Variants in PLCB3 observed in about 807,000 individuals in gnomAD.
The protein encoded by PLCB3 is phospholipase C beta 3.
In PLCB3, 54 loss-of-function variants were observed where a neutral mutation model predicts 152.1. The observed-to-expected ratio is 0.36, with a 90% CI of 0.29 to 0.45. The LOEUF is 0.45. Among genes scored for constraint, PLCB3 ranks in the 20% least tolerant of loss-of-function variants. PLCB3 has a pLI of 1.00. For synonymous variants in PLCB3, 717 were observed against 698.7 expected (o/e 1.03, Z -0.41); for missense variants, 1,248 against 1,687.5 (o/e 0.74, Z 4.56).
chr11:64,265,549 T>C, intron 25 of PLCB3, 47 bp downstream of exon 25: 3 of 1,551,174 alleles, frequency 1.9e-6, no homozygotes, highest in Non-Finnish European at 2.6e-6. Context: ...GGTGTGCTGA[T>C]GTGAACATGG....
At position 64,259,149 on chromosome 11, in the gene PLCB3, G is replaced by A. The variant is rs1214642777; in HGVS notation, c.1430G>A (p.Gly477Asp). 4 of 1,608,804 alleles carry A rather than the reference G, an allele frequency of 2.5e-6. No individual in the cohort carries two copies. Among genetic ancestry groups the A allele is most frequent in the South Asian group, 1.1e-5 (1 of 90,404 alleles). The change falls in exon 13 of 31, where the codon GGC (glycine) becomes GAC (aspartate). Residue 477 changes from glycine (G) to aspartate (D), a missense_variant. This residue lies in a region of PLCB3 where 122 missense variants were observed against 221.8 expected (regional missense o/e 0.55). Coordinates refer to ENST00000279230, the MANE Select transcript of PLCB3 (RefSeq NM_000932.5). ...NKKRHRPSAG[G>D]PDSAGRKRPL... ...AAGCGGCACCGACCCAGCGCAGGTG[G>A]CCCAGACAGCGCCGGGCGCAAGCGG...
rs1310160549 is a variant in PLCB3, at chr11:64,266,091, G to A, written c.3190-35G>A. On this transcript the variant is annotated intron_variant, in intron 26 of 30. Transcript: ENST00000279230. The surrounding 1 kb of genome is among the most constrained non-coding windows in gnomAD (Gnocchi z 4.9). ...AGCCTGCTGGATAGACCCGTCGTCA[G>A]CCCGGCATCACCTGTCAGCTCCCTG... is the stretch of plus-strand genomic sequence containing the variant. 1.9e-6 allele frequency: 3 copies of A among 1,613,944 alleles called. No individual in the cohort carries two copies. The highest frequency in any genetic ancestry group is 1.7e-6 in the Non-Finnish European group (2 of 1,179,926).
chr11:64,267,469 C>T lies in PLCB3; in HGVS notation c.3618C>T (p.Ala1206=), dbSNP rs769309114. The T allele has an allele frequency of 1.3e-6, 2 of 1,562,446 alleles. No homozygotes were observed. Among genetic ancestry groups the T allele is most frequent in the South Asian group, 2.3e-5 (2 of 85,544 alleles). The change falls in exon 31 of 31, where the codon GCC becomes GCT. Residue 1206 remains alanine (A), a synonymous_variant. Coordinates refer to ENST00000279230, the MANE Select transcript of PLCB3 (RefSeq NM_000932.5). This position sits in a 1 kb window ranked among gnomAD's most constrained non-coding sequence, Gnocchi z 5.2. ...GGCTGGGGGACGGGCCTCTGGTGGC[C>T]TGTGCCAGCAACGGTCACGCACCCG... ...PEGLGDGPLV[A]CASNGHAPGS...
intron 24 of PLCB3, 33 bp from the exon 25 acceptor site, chr11:64,265,277 A>G: frequency 3.4e-6 from 2 of 588,080 alleles, no homozygotes; most frequent in Non-Finnish European, 5.9e-6. Flanking sequence ...AGGTTCCCCC[A>G]CCCCCCGCCC....
In PLCB3 at chr11:64,259,187, A is replaced by G. The variant is rs1189681171; in HGVS notation, c.1468A>G (p.Ser490Gly). 1 of 1,596,554 alleles carries G rather than the reference A, an allele frequency of 6.3e-7. No individual in the cohort carries two copies. Among genetic ancestry groups the G allele is most frequent in the East Asian group, 2.3e-5 (1 of 43,776 alleles). The change falls in exon 13 of 31, where the codon AGC becomes GGC. Residue 490 changes from serine to glycine, a missense_variant. Physicochemically the swap from Ser to Gly is moderately conservative, Grantham distance 56 (BLOSUM62 0). Transcript: ENST00000279230. Reference protein sequence around the residue: ...SAGRKRPLEQSNSALSESSAA... With the variant: ...SAGRKRPLEQGNSALSESSAA... ...CGGGCGCAAGCGGCCCCTGGAGCAG[A>G]GCAATTCTGCCCTGAGCGAGAGCTC...
At chr11:64,263,654 G>C in intron 20 of PLCB3, 37 bp from the exon 21 acceptor site, 1 of 1,607,064 alleles carries the variant, frequency 6.2e-7, no homozygotes, top group Non-Finnish European at 8.5e-7. Flanking sequence ...GCCCCCACCT[G>C]GCCCAGCAAC....
intron 17 of PLCB3, 48 bp from the exon 18 acceptor site, chr11:64,262,359 C>T (rs371887473): frequency 7.8e-5 from 124 of 1,595,794 alleles, no homozygotes; most frequent in Non-Finnish European, 9.9e-5. Flanking sequence ...CACATGGCAC[C>T]GTCCTGCCTG....
chr11:64,262,342 C>A, intron 17 of PLCB3, 65 bp from the exon 18 acceptor site: 1 of 1,571,872 alleles, frequency 6.4e-7, no homozygotes, highest in Non-Finnish European at 8.7e-7. Flanking sequence ...GATGATCTCC[C>A]ATTCCCCACA....
In PLCB3 at chr11:64,258,751, G is replaced by A. The variant is rs750785811; in HGVS notation, c.1253+38G>A. The A allele has an allele frequency of 4.3e-6, 7 of 1,610,494 alleles. No individual in the cohort carries two copies. Among genetic ancestry groups the A allele is most frequent in the Non-Finnish European group, 4.2e-6 (5 of 1,177,654 alleles). On this transcript the variant is annotated intron_variant, in intron 11 of 30. Coordinates refer to ENST00000279230, the MANE Select transcript of PLCB3 (RefSeq NM_000932.5). This position sits in a 1 kb window ranked among gnomAD's most constrained non-coding sequence, Gnocchi z 7.2. ...CTGGCATGAAACCCCATGGACCGGG[G>A]GACAGTCTTCCAGCTTCAGTGCTGT...
chr11:64,266,841 C>G lies in PLCB3; in HGVS notation c.3414+289C>G, dbSNP rs1385704414. On this transcript the variant is annotated intron_variant, in intron 29 of 30. Transcript: ENST00000279230. The surrounding 1 kb of genome is among the most constrained non-coding windows in gnomAD (Gnocchi z 4.9). ...TTGAGACAGAGTCTCACTCTGTCGC[C>G]CAGGCTGGAGTGCAGTGGCGCGATC... 1.3e-5 allele frequency among the ~76,000 whole-genome samples: 2 copies of G among 152,146 alleles called. No individual in the cohort carries two copies. The highest frequency in any genetic ancestry group is 2.9e-5 in the Non-Finnish European group (2 of 68,028).
Position 64,258,364 on chromosome 11 carries a change from G to T in PLCB3, c.1013-109G>T. The stretch of plus-strand genomic sequence containing the variant: ...GGACAGGTGGTGGGTATCCATCTGA[G>T]AGATGGAGAGCCCTCTGCAAATCCA... On this transcript the variant is annotated intron_variant, in intron 10 of 30. Coordinates refer to ENST00000279230, the MANE Select transcript of PLCB3 (RefSeq NM_000932.5). The surrounding 1 kb of genome is among the most constrained non-coding windows in gnomAD (Gnocchi z 7.2). The T allele has an allele frequency of 8.0e-7, 1 of 1,251,028 alleles. No individual in the cohort carries two copies. The highest frequency in any genetic ancestry group is 1.4e-5 in the South Asian group (1 of 70,294). 77.5% of individuals were successfully genotyped at this position (1,251,028 alleles called of 1,614,324 possible). A position where few individuals can be genotyped will look rare whatever the true frequency, so the allele number is the denominator to read the frequency against.
Position 64,255,178 on chromosome 11 carries a change from C to T in PLCB3, c.388-56C>T. Reference sequence around the variant, plus strand: ...AGGCAGTTGTGGACCTGGGTTGTGGCTGGGCAGCCCCTGTGTCCCCCACTC... The same window carrying T: ...AGGCAGTTGTGGACCTGGGTTGTGGTTGGGCAGCCCCTGTGTCCCCCACTC... On this transcript the variant is annotated intron_variant, in intron 4 of 30. Transcript: ENST00000279230. This position sits in a 1 kb window ranked among gnomAD's most constrained non-coding sequence, Gnocchi z 6.8. 6.5e-7 allele frequency: 1 copy of T among 1,536,354 alleles called. No individual in the cohort carries two copies. Among genetic ancestry groups the T allele is most frequent in the East Asian group, 2.3e-5 (1 of 44,358 alleles).
intron 1 of PLCB3, 26 bp from the exon 2 acceptor site, chr11:64,254,389 C>T (rs374197879): frequency 7.5e-6 from 12 of 1,599,204 alleles, no homozygotes; most frequent in African/African-American, 1.3e-5. Flanking sequence ...CACTTCCTGA[C>T]CCCTGCTGCC....
intron 21 of PLCB3, 21 bp downstream of exon 21, chr11:64,263,816 G>T: frequency 6.3e-7 from 1 of 1,593,040 alleles, no homozygotes; most frequent in Non-Finnish European, 8.6e-7. Flanking sequence ...GGTGGGCGGG[G>T]CCTGCCTGGC....
Position 64,261,405 on chromosome 11 carries a change from A to C in PLCB3, c.1737A>C (p.Thr579=), listed in dbSNP as rs772017409. The C allele has an allele frequency of 8.7e-6, 14 of 1,613,662 alleles. No homozygotes were observed. Among genetic ancestry groups the C allele is most frequent in the Middle Eastern group, 1.6e-4 (1 of 6,062 alleles). Reference sequence around the variant, plus strand: ...CCCTGGGTTGGGGCCCACAGGGCACAGCCAGCAGCGAGGTGAATGCCACTG... The same window carrying C: ...CCCTGGGTTGGGGCCCACAGGGCACCGCCAGCAGCGAGGTGAATGCCACTG... ...DPKKPTTDEG[T]ASSEVNATEE... is the part of the protein sequence containing the mutation. The change falls in exon 15 of 31, where the codon ACA becomes ACC. Residue 579 remains threonine (T), a synonymous_variant. Coordinates refer to ENST00000279230, the MANE Select transcript of PLCB3 (RefSeq NM_000932.5).
Position 64,262,893 on chromosome 11 carries a change from GCA to G in PLCB3, c.2355+89_2355+90del. ...TCTCAGGTGGGAGAACAGGAACCAG[GCA>G]CACCGTTGGCGACTGGGGATCAGAA... On this transcript the variant is annotated intron_variant, in intron 19 of 30. Transcript: ENST00000279230. 2.1e-6 allele frequency: 3 copies of G among 1,411,854 alleles called. No individual in the cohort carries two copies. In the East Asian group the frequency reaches 6.9e-5, roughly 32 times the overall value. 87.5% of individuals were successfully genotyped at this position (1,411,854 alleles called of 1,614,324 possible).
Position 64,265,339 on chromosome 11 carries a change from C to T in PLCB3, c.2872C>T (p.Arg958Ter). 1 of 1,607,344 alleles carries T rather than the reference C, an allele frequency of 6.2e-7. No homozygotes were observed. Among genetic ancestry groups the T allele is most frequent in the Non-Finnish European group, 8.5e-7 (1 of 1,177,016 alleles). ...EVAPTPLDELRGHKALVKLRS... is the reference protein window; with the variant it reads ...EVAPTPLDEL ...GGCCCCCACCCCGCTGGATGAGCTCCGAGGTCACAAGGCTCTGGTCAAGCT... is the reference window on the plus strand; with the variant it reads ...GGCCCCCACCCCGCTGGATGAGCTCTGAGGTCACAAGGCTCTGGTCAAGCT... Residue 958 changes from arginine to a stop codon, truncating the protein, a stop_gained, in exon 25 of 31, where the codon CGA becomes TGA. Coordinates refer to ENST00000279230, the MANE Select transcript of PLCB3 (RefSeq NM_000932.5). LOFTEE classifies it high-confidence loss of function.
At chr11:64,269,091 C>T (rs955078570), downstream of PLCB3, 6 of 152,358 alleles carry the variant, frequency 3.9e-5, no homozygotes, top group Non-Finnish European at 8.8e-5. Context: ...AGTCAGTTCC[C>T]AGGTCCTCAA....
rs576972842 is a variant in PLCB3 at position 64,251,756 on chromosome 11, C to T, written c.99+8C>T. The T allele has an allele frequency of 3.3e-4, 468 of 1,419,386 alleles. No individual in the cohort carries two copies. The Admixed American group carries it at 7.1e-3, about 22-fold the overall frequency. 87.9% of individuals were successfully genotyped at this position (1,419,386 alleles called of 1,614,324 possible). ...TTCATCAAATGGGACGAGGTAAGCG[C>T]GCGGGCCCCTGCTCCGCCCAAATCC... On this transcript the variant is annotated splice_region_variant and intron_variant, in intron 1 of 30. Transcript: ENST00000279230.
Sources: allele counts gnomAD v4.1 joint callset (sites outside exome capture counted in the v4.1 genomes callset), GRCh38; gene constraint gnomAD v4.1.1; regional missense constraint gnomAD v4.1.1; non-coding constraint Gnocchi (gnomAD v3.1); transcripts MANE v1.5; gene names NCBI Gene and HGNC (gene_info 2026-07-23, HGNC 2026-07-21).